The following TGM4 variants were observed in gnomAD, a reference collection of about 807,000 sequenced individuals.
TGM4 encodes transglutaminase 4, also known as protein-glutamine gamma-glutamyltransferase 4.
Under a neutral mutation model 76.3 loss-of-function variants are expected in TGM4, and 61 were observed. That is an observed-to-expected ratio of 0.80 (90% CI 0.65 to 0.99). The LOEUF (loss-of-function observed/expected upper bound fraction) is 0.99, where lower values mean the gene tolerates loss of function less well. TGM4 is among the 50% of genes least tolerant of loss of function. The pLI, the probability that TGM4 is intolerant of heterozygous loss-of-function variation, is 0.00. For synonymous variants in TGM4, 337 were observed against 329.8 expected (o/e 1.02, Z -0.24); for missense variants, 794 against 843.2 (o/e 0.94, Z 0.72).
chr3:44,902,085 C>T (rs537043816), intron 8 of TGM4, among the ~76,000 whole-genome samples, 154 bp downstream of exon 8: 3 of 152,152 alleles, frequency 2.0e-5, no homozygotes, highest in Non-Finnish European at 4.4e-5. Flanking sequence ...AGCTGTGATT[C>T]CAGGTGCAAG....
chr3:44,901,260 C>G (rs148732835), intron 6 of TGM4, among the ~76,000 whole-genome samples: 140 of 152,282 alleles, frequency 9.2e-4, no homozygotes, highest in African/African-American at 3.3e-3. Context: ...CAAAACCAAC[C>G]TAAAGGTAGG....
chr3:44,875,351 C>A (rs543961488), intron 1 of TGM4, among the ~76,000 whole-genome samples: 1 of 152,166 alleles, frequency 6.6e-6, no homozygotes, highest in Non-Finnish European at 1.5e-5. Flanking sequence ...AGAGTACAGA[C>A]CAGTTATTTT....
Position 44,901,920 on chromosome 3 carries a change from C to G in TGM4, c.960C>G (p.His320Gln). The change falls in exon 8 of 14, where the codon CAC (histidine) becomes CAG (glutamine). Residue 320 changes from histidine (H) to glutamine (Q), a missense_variant. By Grantham distance (24) the His-to-Gln change is conservative (BLOSUM62 0). Coordinates refer to ENST00000296125, the MANE Select transcript of TGM4 (RefSeq NM_003241.4). ...GCGAGAAAATCACCAGTATGACCCA[C>G]GACTCTGTCTGGTAGGGTTCCTCCT... ...ENGEKITSMT[H>Q]DSVWNFHVWT... is the part of the protein sequence containing the mutation. 6.2e-7 allele frequency: 1 copy of G among 1,614,096 alleles called. No individual in the cohort carries two copies.
intron 6 of TGM4, chr3:44,900,788 G>C (rs954592912): frequency 6.6e-6 from 1 of 152,206 alleles, no homozygotes; most frequent in Non-Finnish European, 1.5e-5. Context: ...GCTTTCAAAG[G>C]TGAACTCACA....
intron 1 of TGM4, among the ~76,000 whole-genome samples, chr3:44,876,734 A>G (rs1321590799): frequency 6.6e-6 from 1 of 152,212 alleles, no homozygotes; most frequent in East Asian, 1.9e-4. Context: ...GGAAAAGAAC[A>G]GTAAAACTGA....
At chr3:44,877,329 T>A (rs1699463720) in intron 1 of TGM4, among the ~76,000 whole-genome samples, 2 of 152,024 alleles carry the variant, frequency 1.3e-5, no homozygotes. Context: ...ACACCGGTAA[T>A]CCCAGCTACT....
At chr3:44,906,412 A>G (rs1357476010) in intron 9 of TGM4, among the ~76,000 whole-genome samples, 1 of 152,198 alleles carries the variant, frequency 6.6e-6, no homozygotes, top group Non-Finnish European at 1.5e-5. Flanking sequence ...TAAATAAATA[A>G]ATAAATAGAC....
chr3:44,913,459 G>T, intron 13 of TGM4, 125 bp from the exon 14 acceptor site: 1 of 1,245,734 alleles, frequency 8.0e-7, no homozygotes, highest in Non-Finnish European at 1.1e-6. Context: ...GCCCTGGAAT[G>T]GCCAGGACTT....
intron 13 of TGM4, 55 bp from the exon 14 acceptor site, chr3:44,913,529 T>C: frequency 6.4e-7 from 1 of 1,573,574 alleles, no homozygotes; most frequent in South Asian, 1.2e-5. Flanking sequence ...ATCTTCTCCC[T>C]CTTCCCATAA....
intron 4 of TGM4, among the ~76,000 whole-genome samples, chr3:44,892,733 A>G (rs1467661559): frequency 1.3e-5 from 2 of 152,212 alleles, no homozygotes; most frequent in East Asian, 1.9e-4. Flanking sequence ...GATCCAATCT[A>G]GAGTCACATT....
chr3:44,900,122 T>G (rs576343268), intron 6 of TGM4, among the ~76,000 whole-genome samples: 1 of 152,292 alleles, frequency 6.6e-6, no homozygotes, highest in East Asian at 1.9e-4. Flanking sequence ...CCTGATGTCC[T>G]TTGGGCTCAG....
chr3:44,911,046 C>T lies in TGM4; in HGVS notation c.1695C>T (p.Ile565=). ...ATGAGCCAGTTATCAGAGGTTTCAT[C>T]ATTGCGGAAATTGTGGAGTCTAAGG... ...LDDEPVIRGF[I]IAEIVESKEI... The change falls in exon 12 of 14, where the codon ATC becomes ATT. Residue 565 remains isoleucine (I), a synonymous_variant. Transcript: ENST00000296125. The T allele has an allele frequency of 6.2e-7, 1 of 1,614,184 alleles. No individual in the cohort carries two copies. The highest frequency in any genetic ancestry group is 1.7e-5 in the Admixed American group (1 of 60,026).
chr3:44,884,423 T>G (rs1699571469), intron 1 of TGM4, among the ~76,000 whole-genome samples: 3 of 152,206 alleles, frequency 2.0e-5, no homozygotes, highest in African/African-American at 7.2e-5. Flanking sequence ...GGGTGTATTA[T>G]GCATGTGGAG....
At position 44,885,321 on chromosome 3, in the gene TGM4, A is replaced by C. The variant is rs1175862023; in HGVS notation, c.20-4A>C. On this transcript the variant is annotated splice_polypyrimidine_tract_variant and splice_region_variant and intron_variant, in intron 1 of 13. Coordinates refer to ENST00000296125, the MANE Select transcript of TGM4 (RefSeq NM_003241.4). ...TCTTTCCACATGTGCTGCGTTGCTGACAGAGCTGCAAGTTCTCCACATTGA... is the reference window on the plus strand; with the variant it reads ...TCTTTCCACATGTGCTGCGTTGCTGCCAGAGCTGCAAGTTCTCCACATTGA... 2 of 1,602,616 alleles carry C rather than the reference A, an allele frequency of 1.2e-6. No homozygotes were observed. The highest frequency in any genetic ancestry group is 1.7e-6 in the Non-Finnish European group (2 of 1,170,896).
rs1700046897 is a variant in TGM4 at position 44,914,011 on chromosome 3, C to A, written c.*286C>A. 3.1e-6 allele frequency: 1 copy of A among 326,460 alleles called. No individual in the cohort carries two copies. The highest frequency in any genetic ancestry group is 5.6e-6 in the Non-Finnish European group (1 of 179,124). 20.2% of individuals were successfully genotyped at this position (326,460 alleles called of 1,614,324 possible). ...AATCAGGGCCACCATTGTCTCAATTCAAATCCATAGATTTCGAAGCCACAG... is the reference window on the plus strand; with the variant it reads ...AATCAGGGCCACCATTGTCTCAATTAAAATCCATAGATTTCGAAGCCACAG... On this transcript the variant is annotated 3_prime_UTR_variant, in exon 14 of 14. Transcript: ENST00000296125.
chr3:44,884,983 A>G (rs910858489), intron 1 of TGM4, among the ~76,000 whole-genome samples: 2 of 152,150 alleles, frequency 1.3e-5, no homozygotes, highest in African/African-American at 4.8e-5. Flanking sequence ...AAACTTGCCT[A>G]ACAGCCACTC....
chr3:44,911,245 A>T (rs1348513256), intron 12 of TGM4, 25 bp from the exon 13 acceptor site: 1 of 1,613,548 alleles, frequency 6.2e-7, no homozygotes, highest in African/African-American at 1.3e-5. Flanking sequence ...TTCTCTCCCC[A>T]TCTCTCCTCC....
chr3:44,891,971 A>G (rs555863376), intron 4 of TGM4, among the ~76,000 whole-genome samples: 205 of 130,860 alleles, frequency 1.6e-3, no homozygotes, highest in Middle Eastern at 5.9e-3. Context: ...AGGAAAAAAA[A>G]AAATAGGCCA....
chr3:44,911,286 G>A lies in TGM4; in HGVS notation c.1793G>A (p.Arg598Lys), dbSNP rs1310164066. The A allele has an allele frequency of 6.2e-7, 1 of 1,614,200 alleles. No individual in the cohort carries two copies. The highest frequency in any genetic ancestry group is 2.2e-5 in the East Asian group (1 of 44,884). ...EFSIELPNTG[R>K]IGQLLVCNCI... ...CTACTACAGTTGCCTAACACAGGCAGAATTGGCCAGCTACTTGTCTGCAAT... is the reference window on the plus strand; with the variant it reads ...CTACTACAGTTGCCTAACACAGGCAAAATTGGCCAGCTACTTGTCTGCAAT... The change falls in exon 13 of 14, where the codon AGA becomes AAA. Residue 598 changes from arginine (R) to lysine (K), a missense_variant. Coordinates refer to ENST00000296125, the MANE Select transcript of TGM4 (RefSeq NM_003241.4).
Sources: gnomAD v4.1 joint callset for allele counts (sites outside exome capture counted in the v4.1 genomes callset) on GRCh38, gnomAD v4.1.1 for gene constraint, MANE v1.5 for transcripts, NCBI Gene and HGNC (gene_info 2026-07-23, HGNC 2026-07-21) for gene names.